PHKA1: variants seen among roughly 807,000 people sequenced by gnomAD.
The protein encoded by PHKA1 is phosphorylase b kinase regulatory subunit alpha, skeletal muscle isoform.
A neutral mutation model predicts 110.2 loss-of-function variants in PHKA1; 60 were observed. The ratio of observed to expected loss-of-function variants is 0.54; its 90% confidence interval spans 0.44 to 0.68. The LOEUF (loss-of-function observed/expected upper bound fraction) is 0.68. PHKA1 is among the 30% of genes least tolerant of loss of function. The pLI is 0.00. For synonymous variants in PHKA1, 316 were observed against 333.6 expected (o/e 0.95, Z 0.58); for missense variants, 801 against 942.5 (o/e 0.85, Z 1.97).
At chrX:72,650,117 T>C (rs1372602843) in intron 13 of PHKA1, among the ~76,000 whole-genome samples, 1 of 111,547 alleles carries the variant, frequency 9.0e-6, no homozygotes, top group Non-Finnish European at 1.9e-5. Flanking sequence ...TAAAATGTTA[T>C]GACAATGAAA....
chrX:72,671,734 CAG>C (rs2053702668), intron 6 of PHKA1, among the ~76,000 whole-genome samples: 1 of 111,328 alleles, frequency 9.0e-6, no homozygotes, highest in African/African-American at 3.3e-5. Flanking sequence ...GGTACCAAAA[CAG>C]AGATATAGAC....
chrX:72,683,295 G>C (rs1001862794), intron 5 of PHKA1, among the ~76,000 whole-genome samples: 1 of 111,271 alleles, frequency 9.0e-6, no homozygotes, highest in African/African-American at 3.3e-5. Flanking sequence ...AAAATTAGCT[G>C]GATGTGGTGG....
At chrX:72,659,355 C>A (rs1308112029) in intron 8 of PHKA1, among the ~76,000 whole-genome samples, 1 of 111,242 alleles carries the variant, frequency 9.0e-6, no homozygotes, top group Non-Finnish European at 1.9e-5. Flanking sequence ...ATCCTCCCTG[C>A]CCCAGTCAAA....
chrX:72,651,205 TA>T (rs2053425040), intron 12 of PHKA1, among the ~76,000 whole-genome samples: 1 of 111,442 alleles, frequency 9.0e-6, no homozygotes, highest in Non-Finnish European at 1.9e-5. Flanking sequence ...TTCTGCCCTT[TA>T]TGAAATGGGA....
chrX:72,596,405 T>C (rs782705377), intron 28 of PHKA1, among the ~76,000 whole-genome samples: 1 of 111,558 alleles, frequency 9.0e-6, no homozygotes, highest in Admixed American at 9.6e-5. Flanking sequence ...AATGATACTA[T>C]ATTGTACACT....
chrX:72,671,740 T>A (rs1160208032), intron 6 of PHKA1, among the ~76,000 whole-genome samples: 7 of 111,080 alleles, frequency 6.3e-5, no homozygotes, highest in African/African-American at 2.3e-4. Flanking sequence ...AAAACAGAGA[T>A]ATAGACCGAT....
chrX:72,659,779 T>C (rs1395332182), intron 8 of PHKA1, among the ~76,000 whole-genome samples: 2 of 112,557 alleles, frequency 1.8e-5, no homozygotes, highest in Admixed American at 1.9e-4. Context: ...TGGCAAACTT[T>C]TTCATAGAGG....
At chrX:72,586,930 T>C (rs1234591831) in intron 29 of PHKA1, among the ~76,000 whole-genome samples, 2 of 110,856 alleles carry the variant, frequency 1.8e-5, no homozygotes, top group African/African-American at 6.6e-5. Flanking sequence ...TATGGGACTA[T>C]GTGAAAAGAC....
Position 72,659,386 on chromosome X carries a change from C to T in PHKA1, c.865-1745G>A, listed in dbSNP as rs2053534274. ...TCAAATCAACCACTTCTCCAAGGAG[C>T]CCTAAGTCCTTTCATTGAGAATGAC... On this transcript the variant is annotated intron_variant, in intron 8 of 31. Coordinates refer to ENST00000373542, the MANE Select transcript of PHKA1 (RefSeq NM_002637.4). 2.7e-5 allele frequency among the ~76,000 whole-genome samples: 3 copies of T among 111,274 alleles called. No individual in the cohort carries two copies. The Admixed American group carries it at 2.9e-4, about 11-fold the overall frequency.
rs1386680686 is a variant in PHKA1, at chrX:72,664,681, G to A, written c.864+1470C>T. On this transcript the variant is annotated intron_variant, in intron 8 of 31. Transcript: ENST00000373542. Reference sequence around the variant, plus strand: ...GATCATATGTTAGGTGATAAAACATGTCTCAACAAACTTTAAAAAATTGAA... The same window carrying A: ...GATCATATGTTAGGTGATAAAACATATCTCAACAAACTTTAAAAAATTGAA... Among the ~76,000 whole-genome samples the A allele has an allele frequency of 4.5e-5, 5 of 111,526 alleles. No homozygotes were observed. The Admixed American group carries it at 4.8e-4, about 11-fold the overall frequency.
chrX:72,588,233 C>A (rs1333487169), intron 29 of PHKA1, among the ~76,000 whole-genome samples: 10 of 112,490 alleles, frequency 8.9e-5, no homozygotes, highest in African/African-American at 3.2e-4. Context: ...AACTGTCTCT[C>A]AGACCACAGT....
chrX:72,713,699 C>T lies in PHKA1; in HGVS notation c.78+104G>A, dbSNP rs1311285722. 2.4e-5 allele frequency: 15 copies of T among 622,061 alleles called. No individual in the cohort carries two copies. In the African/African-American group the frequency reaches 2.7e-4, roughly 11 times the overall value. The allele number at this position is 622,061 out of a possible 1,213,427, so 51.3% of individuals were successfully genotyped here. ...ACACACACACACACACACACACACA[C>T]ACCCACACACGCACGCACGCACGGA... On this transcript the variant is annotated intron_variant, in intron 1 of 31. Transcript: ENST00000373542.
In PHKA1 at chrX:72,593,194, T is replaced by C; in HGVS notation, c.3153A>G (p.Gln1051=). 8.4e-7 allele frequency: 1 copy of C among 1,196,179 alleles called. No individual in the cohort carries two copies. The highest frequency in any genetic ancestry group is 2.2e-5 in the Admixed American group (1 of 46,033). The stretch of plus-strand genomic sequence containing the variant: ...GCCTTCTTCGGCGTTGCCATTGACC[T>C]TGACGACTATCTTTAGATGACTGCT... ...YDQQSSKDSR[Q]GQWQRRRRLD... is the part of the protein sequence containing the mutation. Residue 1051 remains glutamine, a synonymous_variant, in exon 29 of 32, where the codon CAA becomes CAG. Coordinates refer to ENST00000373542, the MANE Select transcript of PHKA1 (RefSeq NM_002637.4).
intron 1 of PHKA1, among the ~76,000 whole-genome samples, chrX:72,713,424 C>T (rs1290426409): frequency 9.0e-6 from 1 of 110,966 alleles, no homozygotes; most frequent in Non-Finnish European, 1.9e-5. Flanking sequence ...AAGGGGTAAG[C>T]GGTGGCTGAA....
At chrX:72,598,828 C>G (rs1271930831) in intron 28 of PHKA1, among the ~76,000 whole-genome samples, 1 of 110,666 alleles carries the variant, frequency 9.0e-6, no homozygotes, top group African/African-American at 3.3e-5. Flanking sequence ...GAGAAAATAA[C>G]TTCTCACGTT....
intron 6 of PHKA1, among the ~76,000 whole-genome samples, chrX:72,671,089 A>T (rs1440850432): frequency 4.5e-5 from 5 of 111,114 alleles, no homozygotes; most frequent in African/African-American, 1.6e-4. Context: ...TGGCCAGGGC[A>T]ATCAGGCAGG....
At chrX:72,647,971 A>G (rs1556297689) in intron 13 of PHKA1, among the ~76,000 whole-genome samples, 1 of 112,023 alleles carries the variant, frequency 8.9e-6, no homozygotes, top group Non-Finnish European at 1.9e-5. Context: ...TACAGATTAA[A>G]AAGTACCTAC....
In PHKA1 at chrX:72,587,064, T is replaced by C. The variant is rs192422876; in HGVS notation, c.3244-2762A>G. Among the ~76,000 whole-genome samples, 3 of 110,161 alleles carry C rather than the reference T, an allele frequency of 2.7e-5. No individual in the cohort carries two copies. The East Asian group carries it at 8.6e-4, about 32-fold the overall frequency. On this transcript the variant is annotated intron_variant, in intron 29 of 31. Transcript: ENST00000373542. ...CTAGCAAGGCAGGCCAACATTCAAA[T>C]TCAGGAAATAAAGAGAACAACACAA...
rs189667955 is a variant in PHKA1 at position 72,709,022 on chromosome X, A to G, written c.237+3757T>C. On this transcript the variant is annotated intron_variant, in intron 2 of 31. Transcript: ENST00000373542. The stretch of plus-strand genomic sequence containing the variant: ...GTTTTGTAGTTTGTTTTTAGTTGGA[A>G]AGGTGGGGTTTCAGACACATTGAGT... Among the ~76,000 whole-genome samples the G allele has an allele frequency of 3.0e-3, 339 of 111,392 alleles. 1 individual carries two copies. Among genetic ancestry groups the G allele is most frequent in the African/African-American group, 0.011 (329 of 30,688 alleles).
Sources: gnomAD v4.1 joint callset for allele counts (sites outside exome capture counted in the v4.1 genomes callset) on GRCh38, gnomAD v4.1.1 for gene constraint, MANE v1.5 for transcripts, NCBI Gene and HGNC (gene_info 2026-07-23, HGNC 2026-07-21) for gene names.